FBXO24: variants seen among roughly 807,000 people sequenced by gnomAD.
The protein encoded by FBXO24 is F-box only protein 24.
In FBXO24, 30 loss-of-function variants were observed where a neutral mutation model predicts 63.5. That is an observed-to-expected ratio of 0.47 (90% CI 0.35 to 0.64). The LOEUF (loss-of-function observed/expected upper bound fraction) is 0.64, where lower values mean the gene tolerates loss of function less well. Among genes scored for constraint, FBXO24 ranks in the 30% least tolerant of loss-of-function variants. The pLI, the probability that FBXO24 is intolerant of heterozygous loss-of-function variation, is 0.00. For synonymous variants in FBXO24, 300 were observed against 305.0 expected, an observed-to-expected ratio of 0.98 and a Z score of 0.17; for missense variants, 624 against 763.4, an observed-to-expected ratio of 0.82 and a Z score of 2.15.
intron 1 of FBXO24, among the ~76,000 whole-genome samples, chr7:100,589,000 T>G (rs899263635): frequency 1.3e-5 from 2 of 151,642 alleles, no homozygotes; most frequent in East Asian, 1.9e-4. Context: ...TTTTTAAGTT[T>G]TTTTTTTTTT....
chr7:100,595,052 T>C, intron 6 of FBXO24, 50 bp from the exon 7 acceptor site: 1 of 1,609,076 alleles, frequency 6.2e-7, no homozygotes, highest in Non-Finnish European at 8.5e-7. Context: ...GCCTTATCCC[T>C]AGGAAATGGG....
Position 100,600,934 on chromosome 7 carries a change from AG to A in FBXO24, c.*36del. 2 of 1,589,908 alleles carry A rather than the reference AG, an allele frequency of 1.3e-6. No individual in the cohort carries two copies. Among genetic ancestry groups the A allele is most frequent in the East Asian group, 2.2e-5 (1 of 44,682 alleles). ...TGCTAGCCTAGTCCCTGGAGGAGGG[AG>A]TCCGGCCCCAGGCCAGGGACTAAGG... On this transcript the variant is annotated 3_prime_UTR_variant, in exon 10 of 10. Transcript: ENST00000241071. This position sits in a 1 kb window ranked among gnomAD's most constrained non-coding sequence, Gnocchi z 6.3.
chr7:100,592,224 A>G (rs1399787982), intron 4 of FBXO24: 2 of 296,946 alleles, frequency 6.7e-6, no homozygotes, highest in East Asian at 8.8e-5. Flanking sequence ...GCACCCTTGC[A>G]CTCCAGCCTG....
chr7:100,591,740 A>T lies in FBXO24; in HGVS notation c.396A>T (p.Leu132=). The change falls in exon 4 of 10, where the codon CTA becomes CTT. Residue 132 remains leucine (L), a synonymous_variant. Coordinates refer to ENST00000241071, the MANE Select transcript of FBXO24 (RefSeq NM_033506.3). The stretch of plus-strand genomic sequence containing the variant: ...TCAGCAAGAGCGTGGCCCCCTTGCT[A>T]GCCCACGGCTACCGCCGCTTCTTGC... ...RCLSKSVAPL[L]AHGYRRFLPT... The T allele has an allele frequency of 6.2e-7, 1 of 1,614,222 alleles. No homozygotes were observed. The highest frequency in any genetic ancestry group is 1.1e-5 in the South Asian group (1 of 91,088).
chr7:100,600,223 T>A lies in FBXO24; in HGVS notation c.1377+22T>A. 2.0e-6 allele frequency: 3 copies of A among 1,505,948 alleles called. No individual in the cohort carries two copies. The highest frequency in any genetic ancestry group is 2.7e-6 in the Non-Finnish European group (3 of 1,122,326). The allele number at this position is 1,505,948 out of a possible 1,614,324, so 93.3% of individuals were successfully genotyped here. On this transcript the variant is annotated intron_variant, in intron 9 of 9. Transcript: ENST00000241071. This position sits in a 1 kb window ranked among gnomAD's most constrained non-coding sequence, Gnocchi z 6.3. ...CAAGGTCAGAGCGGGGTCAGGAGAG[T>A]GGGCACCCAGGGAGGATGAGAGCCA...
rs771261288 is a variant in FBXO24 at position 100,594,350 on chromosome 7, C to T, written c.794-33C>T. ...ATGTTTATGTGGATATTGGAGAATCCCCTCCCCAACTAATTGCTTCCCCTA... is the reference window on the plus strand; with the variant it reads ...ATGTTTATGTGGATATTGGAGAATCTCCTCCCCAACTAATTGCTTCCCCTA... On this transcript the variant is annotated intron_variant, in intron 5 of 9. Coordinates refer to ENST00000241071, the MANE Select transcript of FBXO24 (RefSeq NM_033506.3). This position sits in a 1 kb window ranked among gnomAD's most constrained non-coding sequence, Gnocchi z 4.2. The T allele has an allele frequency of 1.2e-6, 2 of 1,605,764 alleles. No homozygotes were observed. The highest frequency in any genetic ancestry group is 1.7e-5 in the Admixed American group (1 of 59,128).
In FBXO24 at chr7:100,591,775, A is replaced by G. The variant is rs772004963; in HGVS notation, c.431A>G (p.Asp144Gly). The change falls in exon 4 of 10, where the codon GAT becomes GGT. Residue 144 changes from aspartate (D) to glycine (G), a missense_variant. Coordinates refer to ENST00000241071, the MANE Select transcript of FBXO24 (RefSeq NM_033506.3). ...TACCGCCGCTTCTTGCCCACCAAGG[A>G]TCACGTCTTCATTCTTGACTACGTG... ...HGYRRFLPTK[D>G]HVFILDYVGT... The G allele has an allele frequency of 3.1e-6, 5 of 1,614,198 alleles. No homozygotes were observed. Among genetic ancestry groups the G allele is most frequent in the Non-Finnish European group, 4.2e-6 (5 of 1,180,040 alleles).
In FBXO24 at chr7:100,586,522, G is replaced by A; in HGVS notation, c.-104G>A. On this transcript the variant is annotated 5_prime_UTR_variant, in exon 1 of 10. Transcript: ENST00000241071. ...AGTCCTCGTCCCCCAAAGACCAATC[G>A]TAAGCCAGATACAGGCGAGTGACTG... is the stretch of plus-strand genomic sequence containing the variant. The A allele has an allele frequency of 8.0e-7, 1 of 1,255,970 alleles. No homozygotes were observed. Among genetic ancestry groups the A allele is most frequent in the Non-Finnish European group, 1.2e-6 (1 of 862,850 alleles). The allele number at this position is 1,255,970 out of a possible 1,614,324, so 77.8% of individuals were successfully genotyped here.
chr7:100,586,762 C>T, intron 1 of FBXO24, 98 bp downstream of exon 1: 1 of 1,365,492 alleles, frequency 7.3e-7, no homozygotes, highest in Non-Finnish European at 1.0e-6. Flanking sequence ...GCGAGCTGGA[C>T]GTGTTAGGGG....
chr7:100,594,316 T>A lies in FBXO24; in HGVS notation c.794-67T>A, dbSNP rs1802186215. 1 of 1,570,092 alleles carries A rather than the reference T, an allele frequency of 6.4e-7. No individual in the cohort carries two copies. The highest frequency in any genetic ancestry group is 1.1e-5 in the South Asian group (1 of 87,012). On this transcript the variant is annotated intron_variant, in intron 5 of 9. Coordinates refer to ENST00000241071, the MANE Select transcript of FBXO24 (RefSeq NM_033506.3). This position sits in a 1 kb window ranked among gnomAD's most constrained non-coding sequence, Gnocchi z 4.2. ...TGTGTCACCCATATGGCCTAGGGAGTCTCTTGGGATGTTTATGTGGATATT... is the reference window on the plus strand; with the variant it reads ...TGTGTCACCCATATGGCCTAGGGAGACTCTTGGGATGTTTATGTGGATATT...
chr7:100,591,031 A>ATTTTTTTTTTTTTTTTTT (rs930978218), intron 3 of FBXO24, among the ~76,000 whole-genome samples: 1 of 86,672 alleles, frequency 1.2e-5, no homozygotes, highest in African/African-American at 4.7e-5. Context: ...TTTTTCTTTG[A>ATTTTTTTTTTTTTTTTTT]TTTTTTTTTT....
chr7:100,590,792 T>C (rs1304098268), intron 3 of FBXO24, among the ~76,000 whole-genome samples: 1 of 152,128 alleles, frequency 6.6e-6, no homozygotes, highest in Non-Finnish European at 1.5e-5. Flanking sequence ...TCCCCCTTAA[T>C]TGTGACAACC....
intron 1 of FBXO24, 188 bp downstream of exon 1, chr7:100,586,852 G>A: frequency 1.7e-6 from 1 of 595,048 alleles, no homozygotes; most frequent in Non-Finnish European, 3.1e-6. Context: ...AGCTGAAGGG[G>A]CAGCGGGGGG....
chr7:100,596,563 T>C (rs1802318133), intron 8 of FBXO24, among the ~76,000 whole-genome samples: 2 of 151,474 alleles, frequency 1.3e-5, no homozygotes, highest in South Asian at 4.2e-4. Flanking sequence ...ACTGAGAATG[T>C]GTCAGGAGCC....
At chr7:100,586,778 C>T (rs1562813186) in intron 1 of FBXO24, 114 bp downstream of exon 1, 1 of 1,219,886 alleles carries the variant, frequency 8.2e-7, no homozygotes, top group Non-Finnish European at 1.2e-6. Context: ...AGGGGGCTAG[C>T]CGGCGTCCAG....
At position 100,589,963 on chromosome 7, in the gene FBXO24, C is replaced by T; in HGVS notation, c.40-14C>T. On this transcript the variant is annotated splice_polypyrimidine_tract_variant and intron_variant, in intron 1 of 9. Transcript: ENST00000241071. ...GGGACCCTCATGGGACCCTATGCAC[C>T]CCTTCTTGGGTAGGTGAAGAGAAGC... is the stretch of plus-strand genomic sequence containing the variant. 6.2e-7 allele frequency: 1 copy of T among 1,610,322 alleles called. No homozygotes were observed. The highest frequency in any genetic ancestry group is 1.7e-5 in the Admixed American group (1 of 59,476).
intron 1 of FBXO24, 35 bp from the exon 2 acceptor site, chr7:100,589,942 C>T: frequency 6.3e-7 from 1 of 1,591,826 alleles, no homozygotes; most frequent in Non-Finnish European, 8.6e-7. Context: ...GGATGTGGGA[C>T]CCTCATGGGA....
intron 8 of FBXO24, 122 bp downstream of exon 8, chr7:100,595,828 A>C: frequency 7.3e-7 from 1 of 1,374,724 alleles, no homozygotes; most frequent in Non-Finnish European, 9.8e-7. Context: ...AAGTTAAGCC[A>C]CTCAGTATGT....
At chr7:100,589,907 A>C (rs892543948) in intron 1 of FBXO24, 70 bp from the exon 2 acceptor site, 1 of 1,569,462 alleles carries the variant, frequency 6.4e-7, no homozygotes, top group African/African-American at 1.4e-5. Flanking sequence ...ATGAGCCCCA[A>C]GGTAGGCGGA....
Sources: gnomAD v4.1 joint callset for allele counts (sites outside exome capture counted in the v4.1 genomes callset) on GRCh38, gnomAD v4.1.1 for gene constraint, Gnocchi (gnomAD v3.1) non-coding constraint, MANE v1.5 for transcripts, NCBI Gene and HGNC (gene_info 2026-07-23, HGNC 2026-07-21) for gene names.